PCDHGA2: variants seen among roughly 807,000 people sequenced by gnomAD.
PCDHGA2 encodes the protein protocadherin gamma subfamily A, 2.
In PCDHGA2, 40 loss-of-function variants were observed where a neutral mutation model predicts 59.2. The ratio of observed to expected loss-of-function variants is 0.68; its 90% CI spans 0.52 to 0.88. The LOEUF is 0.88. PCDHGA2 is among the 40% of genes least tolerant of loss of function. The probability of loss-of-function intolerance (pLI) is 0.00; values close to 1 mark genes in which losing one functional copy is unlikely to be tolerated. For synonymous variants in PCDHGA2, 560 were observed against 526.0 expected (o/e 1.06, Z -0.89); for missense variants, 1,226 against 1,204.0 (o/e 1.02, Z -0.27).
intron 1 of PCDHGA2, among the ~76,000 whole-genome samples, chr5:141,474,010 C>G (rs989832548): frequency 1.3e-5 from 2 of 152,092 alleles, no homozygotes; most frequent in Admixed American, 1.3e-4. Flanking sequence ...CTGGAAGTTA[C>G]AGTGAGCTAT....
chr5:141,482,593 G>A (rs1314658005), intron 1 of PCDHGA2, among the ~76,000 whole-genome samples: 4 of 149,900 alleles, frequency 2.7e-5, no homozygotes, highest in Non-Finnish European at 5.9e-5. Flanking sequence ...GGGACCAAAC[G>A]GGAAAAAACA....
rs377473177 is a variant in PCDHGA2, at chr5:141,339,575, C to G, written c.604C>G (p.Arg202Gly). Reference protein sequence around the residue: ...PELVLERSLDREEEAVHHLVL... With the variant: ...PELVLERSLDGEEEAVHHLVL... ...ACTGGTGCTGGAGCGCTCTCTGGAC[C>G]GCGAGGAAGAGGCTGTTCACCACCT... The change falls in exon 1 of 4, where the codon CGC becomes GGC. Residue 202 changes from arginine (R) to glycine (G), a missense_variant. Coordinates refer to ENST00000394576, the MANE Select transcript of PCDHGA2 (RefSeq NM_018915.4). 74 of 1,614,028 alleles carry G rather than the reference C, an allele frequency of 4.6e-5. No homozygotes were observed. Among genetic ancestry groups the G allele is most frequent in the Non-Finnish European group, 5.9e-5 (70 of 1,180,026 alleles).
intron 1 of PCDHGA2, chr5:141,393,531 C>G (rs997965420): frequency 6.2e-7 from 1 of 1,614,008 alleles, no homozygotes; most frequent in Non-Finnish European, 8.5e-7. Context: ...TGACAATGCC[C>G]CGGTTTTTCC....
intron 1 of PCDHGA2, chr5:141,344,190 G>A: frequency 6.2e-7 from 1 of 1,613,974 alleles, no homozygotes; most frequent in Non-Finnish European, 8.5e-7. Flanking sequence ...TAACGACCTG[G>A]GGCTAGAGCC....
At position 141,511,211 on chromosome 5, in the gene PCDHGA2, C is replaced by G; in HGVS notation, c.*38C>G. ...GCCAAGAGCCACAGGGCGGCCTCTC[C>G]CCAACCAGCCCAGCTTCTCCTTACC... On this transcript the variant is annotated 3_prime_UTR_variant, in exon 4 of 4. Transcript: ENST00000394576. The G allele has an allele frequency of 6.2e-7, 1 of 1,608,626 alleles. No individual in the cohort carries two copies. The highest frequency in any genetic ancestry group is 8.5e-7 in the Non-Finnish European group (1 of 1,177,476).
Position 141,477,778 on chromosome 5 carries a change from C to T in PCDHGA2, c.2425-17029C>T, listed in dbSNP as rs866423908. On this transcript the variant is annotated intron_variant, in intron 1 of 3. Transcript: ENST00000394576. This position sits in a 1 kb window ranked among gnomAD's most constrained non-coding sequence, Gnocchi z 4.9. ...TCCTAGCCACCAACATCAGCGTGAA[C>T]ATATTTGTCACTGATCGCAATGACA... 2.5e-6 allele frequency: 4 copies of T among 1,614,052 alleles called. No homozygotes were observed. In the African/African-American group the frequency reaches 5.3e-5, roughly 22 times the overall value.
At chr5:141,501,409 A>G (rs1358547245) in intron 2 of PCDHGA2, among the ~76,000 whole-genome samples, 1 of 151,978 alleles carries the variant, frequency 6.6e-6, no homozygotes, top group African/African-American at 2.4e-5. Context: ...ACTGCTTGGA[A>G]AATAGTTGAC....
chr5:141,351,720 T>C, intron 1 of PCDHGA2: 1 of 1,613,816 alleles, frequency 6.2e-7, no homozygotes, highest in Non-Finnish European at 8.5e-7. Context: ...TCCTACTCTA[T>C]TCTGGCCAGT....
chr5:141,503,046 G>T (rs1187153008), intron 2 of PCDHGA2, among the ~76,000 whole-genome samples: 1 of 151,658 alleles, frequency 6.6e-6, no homozygotes, highest in Non-Finnish European at 1.5e-5. Flanking sequence ...GTTGAGACAG[G>T]GTTTCACCAT....
intron 1 of PCDHGA2, chr5:141,418,820 G>A: frequency 6.2e-7 from 1 of 1,613,918 alleles, no homozygotes. Flanking sequence ...AAACATAGAA[G>A]CAAAAGACCG....
chr5:141,355,399 G>A, intron 1 of PCDHGA2: 5 of 1,614,086 alleles, frequency 3.1e-6, no homozygotes, highest in Non-Finnish European at 4.2e-6. Flanking sequence ...AGTCCGCATC[G>A]TCTCCAGAGG....
At position 141,489,358 on chromosome 5, in the gene PCDHGA2, G is replaced by A; in HGVS notation, c.2425-5449G>A. On this transcript the variant is annotated intron_variant, in intron 1 of 3. Transcript: ENST00000394576. This position sits in a 1 kb window ranked among gnomAD's most constrained non-coding sequence, Gnocchi z 4.5. ...TCGTTACTCAGTGGTGGAGGAGTCT[G>A]AGCCGGGGACGCTGGTGGGGAATGT... 1 of 1,613,144 alleles carries A rather than the reference G, an allele frequency of 6.2e-7. No individual in the cohort carries two copies. The highest frequency in any genetic ancestry group is 8.5e-7 in the Non-Finnish European group (1 of 1,179,278).
At chr5:141,394,875 A>G in intron 1 of PCDHGA2, 3 of 1,613,722 alleles carry the variant, frequency 1.9e-6, no homozygotes, top group Non-Finnish European at 8.5e-7. Flanking sequence ...GAACGATTCG[A>G]GCCTTACACT....
intron 1 of PCDHGA2, chr5:141,362,476 G>A (rs757587046): frequency 1.2e-6 from 2 of 1,614,028 alleles, no homozygotes; most frequent in East Asian, 2.2e-5. Context: ...GCAAGATCTC[G>A]TCTGTGACAA....
At chr5:141,484,359 T>A (rs1218120598) in intron 1 of PCDHGA2, among the ~76,000 whole-genome samples, 1 of 152,222 alleles carries the variant, frequency 6.6e-6, no homozygotes, top group Non-Finnish European at 1.5e-5. Context: ...GTGTATCTAG[T>A]GTATCACTAG....
In PCDHGA2 at chr5:141,403,333, C is replaced by T. The variant is rs376895778; in HGVS notation, c.2424+61938C>T. On this transcript the variant is annotated intron_variant, in intron 1 of 3. Transcript: ENST00000394576. ...TAGAAATAGAAGTAACTGATATTAA[C>T]GACAGCGCCCCAAAGTTCCAGGCCG... is the stretch of plus-strand genomic sequence containing the variant. 5 of 1,613,866 alleles carry T rather than the reference C, an allele frequency of 3.1e-6. No homozygotes were observed. The African/African-American group carries it at 5.3e-5, about 17-fold the overall frequency.
At chr5:141,503,736 T>C (rs1381045077) in intron 2 of PCDHGA2, among the ~76,000 whole-genome samples, 4 of 152,202 alleles carry the variant, frequency 2.6e-5, no homozygotes, top group African/African-American at 9.6e-5. Context: ...TTTGTTGTGA[T>C]GGTATAGAGG....
At position 141,494,820 on chromosome 5, in the gene PCDHGA2, A is replaced by G; in HGVS notation, c.2438A>G (p.Asn813Ser). ...TTTTCTCCACAGCAAGCCCCGCCCA[A>G]CACGGACTGGCGTTTCTCTCAGGCC... ...EETFSQQAPP[N>S]TDWRFSQAQR... Residue 813 changes from asparagine to serine, a missense_variant, in exon 2 of 4, where the codon AAC becomes AGC. By Grantham distance (46) the Asn-to-Ser change is conservative. Transcript: ENST00000394576. 1.2e-6 allele frequency: 2 copies of G among 1,613,988 alleles called. No individual in the cohort carries two copies. Among genetic ancestry groups the G allele is most frequent in the Middle Eastern group, 1.6e-4 (1 of 6,062 alleles).
chr5:141,414,946 C>T, intron 1 of PCDHGA2: 1 of 1,614,102 alleles, frequency 6.2e-7, no homozygotes, highest in East Asian at 2.2e-5. Context: ...GCCCGGCTAC[C>T]TGGTGACCAA....
Sources: allele counts gnomAD v4.1 joint callset (sites outside exome capture counted in the v4.1 genomes callset), GRCh38; gene constraint gnomAD v4.1.1; non-coding constraint Gnocchi (gnomAD v3.1); transcripts MANE v1.5; gene names NCBI Gene and HGNC (gene_info 2026-07-23, HGNC 2026-07-21).